Variants in ASIC2 observed in about 807,000 individuals in gnomAD.
ASIC2 encodes the protein acid sensing ion channel subunit 2, also known as acid-sensing ion channel 2.
Under a neutral mutation model 57.3 loss-of-function variants are expected in ASIC2, and 25 were observed. The ratio of observed to expected loss-of-function variants is 0.44; its 90% CI spans 0.32 to 0.61. The LOEUF (loss-of-function observed/expected upper bound fraction) is 0.61, where lower values mean the gene tolerates loss of function less well. Ranked by LOEUF, ASIC2 falls within the 20% of genes least tolerant of loss-of-function variation. ASIC2 has a pLI of 0.06. For synonymous variants in ASIC2, 319 were observed against 307.5 expected (o/e 1.04, Z -0.39); for missense variants, 641 against 738.1 (o/e 0.87, Z 1.52).
At chr17:34,017,315 T>C (rs1907011332) in intron 1 of ASIC2, among the ~76,000 whole-genome samples, 1 of 152,190 alleles carries the variant, frequency 6.6e-6, no homozygotes, top group Admixed American at 6.5e-5. Context: ...AATCAATAAA[T>C]GGTGTATGTG....
At chr17:34,021,409 G>A (rs1212940371) in intron 1 of ASIC2, among the ~76,000 whole-genome samples, 1 of 152,098 alleles carries the variant, frequency 6.6e-6, no homozygotes, top group African/African-American at 2.4e-5. Context: ...TACCTGCCTT[G>A]GACTCTTGCC....
intron 1 of ASIC2, among the ~76,000 whole-genome samples, chr17:33,642,176 A>G (rs2142034055): frequency 6.8e-6 from 1 of 147,254 alleles, no homozygotes; most frequent in African/African-American, 2.5e-5. Context: ...AAGCAATACT[A>G]TAACTCGCAC....
intron 2 of ASIC2, among the ~76,000 whole-genome samples, chr17:33,092,873 A>G (rs1312900079): frequency 6.6e-6 from 1 of 152,182 alleles, no homozygotes; most frequent in Non-Finnish European, 1.5e-5. Flanking sequence ...GGGCTCAATA[A>G]ATGTTTGTTG....
intron 1 of ASIC2, among the ~76,000 whole-genome samples, chr17:33,427,290 C>G (rs541023668): frequency 6.6e-6 from 1 of 152,166 alleles, no homozygotes; most frequent in Non-Finnish European, 1.5e-5. Context: ...AGCCTCTGTA[C>G]AGGGGAAAAC....
chr17:33,255,904 G>C (rs1909049679), intron 1 of ASIC2, among the ~76,000 whole-genome samples: 1 of 151,840 alleles, frequency 6.6e-6, no homozygotes, highest in Non-Finnish European at 1.5e-5. Flanking sequence ...ACAAATAATG[G>C]GACAAAGAAC....
intron 1 of ASIC2, among the ~76,000 whole-genome samples, chr17:33,698,158 A>C (rs1908586614): frequency 6.6e-6 from 1 of 152,232 alleles, no homozygotes; most frequent in East Asian, 1.9e-4. Context: ...TAATACCAGC[A>C]TGCTATTTAG....
chr17:33,848,162 C>T (rs956530573), intron 1 of ASIC2, among the ~76,000 whole-genome samples: 1 of 152,162 alleles, frequency 6.6e-6, no homozygotes, highest in Non-Finnish European at 1.5e-5. Context: ...ACCAGAAGGG[C>T]AGCCCTAGAT....
At chr17:33,340,636 AAGG>A (rs886200407) in intron 1 of ASIC2, among the ~76,000 whole-genome samples, 26 of 152,234 alleles carry the variant, frequency 1.7e-4, no homozygotes, top group Admixed American at 1.3e-3. Context: ...CTGAGATTTG[AAGG>A]AGAACTTTGA....
intron 1 of ASIC2, among the ~76,000 whole-genome samples, chr17:33,694,442 G>T (rs997423332): frequency 6.6e-6 from 1 of 152,142 alleles, no homozygotes; most frequent in South Asian, 2.1e-4. Context: ...AACTTCTTGT[G>T]ATTTCCCACA....
intron 1 of ASIC2, among the ~76,000 whole-genome samples, chr17:33,587,555 A>G (rs1340655036): frequency 1.3e-5 from 2 of 152,226 alleles, no homozygotes; most frequent in Non-Finnish European, 2.9e-5. Flanking sequence ...ATTGACAAGA[A>G]GGTGATTGAC....
In ASIC2 at chr17:33,753,606, G is replaced by A. The variant is rs141363887; in HGVS notation, c.555+402372C>T. 9.2e-5 allele frequency among the ~76,000 whole-genome samples: 14 copies of A among 152,316 alleles called. No individual in the cohort carries two copies. The East Asian group carries it at 2.5e-3, about 27-fold the overall frequency. On this transcript the variant is annotated intron_variant, in intron 1 of 9. Transcript: ENST00000359872. ...GACTCCAGTGCAGCCGTGTGGTGGA[G>A]GAAGATTCATACACACAAAAAAGGG...
At chr17:33,268,371 A>G (rs1000343776) in intron 1 of ASIC2, among the ~76,000 whole-genome samples, 19 of 151,626 alleles carry the variant, frequency 1.3e-4, no homozygotes, top group African/African-American at 4.4e-4. Flanking sequence ...CCATCCATCC[A>G]TCCATCCATC....
chr17:33,774,554 G>C (rs1911207749), intron 1 of ASIC2, among the ~76,000 whole-genome samples: 1 of 152,122 alleles, frequency 6.6e-6, no homozygotes, highest in South Asian at 2.1e-4. Context: ...AAAGAAGGAA[G>C]GAGAAAGGGG....
In ASIC2 at chr17:33,582,366, A is replaced by G. The variant is rs116383698; in HGVS notation, c.556-470299T>C. Among the ~76,000 whole-genome samples, 1,192 of 152,358 alleles carry G rather than the reference A, an allele frequency of 7.8e-3. 20 individuals carry two copies. Among genetic ancestry groups the G allele is most frequent in the African/African-American group, 0.028 (1,145 of 41,586 alleles). ...TAAGCAAAGGAGCCAGGCTCAGTCT[A>G]TAAATTAATGATTTCCCAAATAGCT... On this transcript the variant is annotated intron_variant, in intron 1 of 9. Transcript: ENST00000359872.
chr17:33,682,060 C>CTT (rs58085265), intron 1 of ASIC2, among the ~76,000 whole-genome samples: 9 of 122,802 alleles, frequency 7.3e-5, no homozygotes, highest in Admixed American at 8.4e-5. Flanking sequence ...TCAGTGACAT[C>CTT]TTTTTTTTTT....
chr17:33,303,103 A>C (rs1906024414), intron 1 of ASIC2, among the ~76,000 whole-genome samples: 1 of 152,234 alleles, frequency 6.6e-6, no homozygotes, highest in Non-Finnish European at 1.5e-5. Context: ...GCCTGGGGTC[A>C]CACAGAATGT....
chr17:33,292,063 C>T lies in ASIC2; in HGVS notation c.53G>A (p.Gly18Glu), dbSNP rs1183023082. The change falls in exon 1 of 10, where the codon GGA becomes GAA. Residue 18 changes from glycine to glutamate, a missense_variant. By Grantham distance (98) the Gly-to-Glu change is moderately conservative (BLOSUM62 -2). Around this residue, in one of 3 missense-constraint regions of ASIC2, gnomAD observed 382 missense variants for 398.0 expected, o/e 0.96. Coordinates refer to ENST00000225823, the MANE Select transcript of ASIC2 (RefSeq NM_183377.2). Reference protein sequence around the residue: ...GLPAAALTGPGRFRMAREEPA... With the variant: ...GLPAAALTGPERFRMAREEPA... ...CTCCTCGCGGGCCATGCGGAAGCGT[C>T]CCGGGCCGGTGAGCGCGGCTGCGGG... 4 of 1,098,678 alleles carry T rather than the reference C, an allele frequency of 3.6e-6. No individual in the cohort carries two copies. Among genetic ancestry groups the T allele is most frequent in the African/African-American group, 1.7e-5 (1 of 59,376 alleles). The allele number at this position is 1,098,678 out of a possible 1,614,324, so 68.1% of individuals were successfully genotyped here.
intron 3 of ASIC2, among the ~76,000 whole-genome samples, chr17:33,077,437 A>G (rs2092093452): frequency 2.0e-5 from 3 of 152,194 alleles, no homozygotes. Context: ...TTCAAAGGGT[A>G]TTCTCTCATT....
intron 1 of ASIC2, among the ~76,000 whole-genome samples, chr17:33,976,312 C>T (rs562465023): frequency 1.3e-5 from 2 of 152,100 alleles, no homozygotes; most frequent in South Asian, 4.2e-4. Context: ...GAATGCCTGC[C>T]CTTTATTTCC....
Sources: gnomAD v4.1 joint callset for allele counts (sites outside exome capture counted in the v4.1 genomes callset) on GRCh38, gnomAD v4.1.1 for gene constraint, gnomAD v4.1.1 regional missense constraint, MANE v1.5 for transcripts, NCBI Gene and HGNC (gene_info 2026-07-23, HGNC 2026-07-21) for gene names.